Variants in RGS12 observed in about 807,000 individuals in gnomAD.
The protein encoded by RGS12 is regulator of G protein signaling 12.
Under a neutral mutation model 120.1 loss-of-function variants are expected in RGS12, and 66 were observed. The observed-to-expected ratio is 0.55, with a 90% CI of 0.45 to 0.67. The LOEUF (loss-of-function observed/expected upper bound fraction) is 0.67, where lower values mean the gene tolerates loss of function less well. RGS12 is among the 30% of genes least tolerant of loss of function. RGS12 has a pLI of 0.00. For synonymous variants in RGS12, 827 were observed against 804.7 expected (o/e 1.03, Z -0.47); for missense variants, 1,859 against 1,957.7 (o/e 0.95, Z 0.95).
At position 3,375,524 on chromosome 4, in the gene RGS12, GC is replaced by G. The variant is rs774715358; in HGVS notation, c.1999-10889del. Among the ~76,000 whole-genome samples the G allele has an allele frequency of 2.1e-3, 120 of 56,206 alleles. 3 individuals carry two copies. The highest frequency in any genetic ancestry group is 9.4e-3 in the African/African-American group (105 of 11,160). The allele number at this position is 56,206 out of a possible 152,430, so 36.9% of individuals were successfully genotyped here. A position where few individuals can be genotyped will look rare whatever the true frequency, so the allele number is the denominator to read the frequency against. On this transcript the variant is annotated intron_variant, in intron 3 of 17. Coordinates refer to ENST00000336727, the MANE Select transcript of RGS12 (RefSeq NM_001394154.1). ...GCCCTCATCTCCAGCCTCATCTCCAGCCCTCATCTCCAGCCCTCATCTCCAG... is the reference window on the plus strand; with the variant it reads ...GCCCTCATCTCCAGCCTCATCTCCAGCCTCATCTCCAGCCCTCATCTCCAG...
chr4:3,362,735 G>A (rs141957149), intron 3 of RGS12, among the ~76,000 whole-genome samples: 2 of 130,732 alleles, frequency 1.5e-5, no homozygotes, highest in East Asian at 2.3e-4. Flanking sequence ...GTGCGAGGAT[G>A]TCTGTGTGAG....
intron 3 of RGS12, among the ~76,000 whole-genome samples, chr4:3,343,445 C>G (rs867647239): frequency 6.6e-6 from 1 of 152,120 alleles, no homozygotes; most frequent in Admixed American, 6.5e-5. Context: ...TTGTAAAGAA[C>G]AATGAAAAGA....
At chr4:3,328,953 T>C (rs1293621448) in intron 2 of RGS12, among the ~76,000 whole-genome samples, 3 of 152,208 alleles carry the variant, frequency 2.0e-5, no homozygotes, top group African/African-American at 7.2e-5. Context: ...CCCCCTTGTC[T>C]ACTAACCATG....
rs955995381 is a variant in RGS12, at chr4:3,415,198, C to G, written c.2283+354C>G. ...TGTGATAGGGCCGCGTGTGAGAGGG[C>G]CGCGTGTGTGTGAGAGGGCCGCGTG... On this transcript the variant is annotated intron_variant, in intron 6 of 17. Coordinates refer to ENST00000336727, the MANE Select transcript of RGS12 (RefSeq NM_001394154.1). 9.0e-5 allele frequency among the ~76,000 whole-genome samples: 13 copies of G among 144,712 alleles called. 3 individuals carry two copies. Among genetic ancestry groups the G allele is most frequent in the Admixed American group, 1.4e-4 (2 of 14,540 alleles). 94.9% of individuals were successfully genotyped at this position (144,712 alleles called of 152,430 possible). A position where few individuals can be genotyped will look rare whatever the true frequency, so the allele number is the denominator to read the frequency against.
Position 3,354,685 on chromosome 4 carries a change from G to A in RGS12, c.1998+11632G>A, listed in dbSNP as rs182464223. 7.8e-4 allele frequency among the ~76,000 whole-genome samples: 119 copies of A among 152,272 alleles called. 1 individual carries two copies. Among genetic ancestry groups the A allele is most frequent in the African/African-American group, 2.6e-3 (109 of 41,556 alleles). Reference sequence around the variant, plus strand: ...GCAATCACAATGGGAGCTAGAAAGCGTTTTGAAACAAACATCAATGAGAAT... The same window carrying A: ...GCAATCACAATGGGAGCTAGAAAGCATTTTGAAACAAACATCAATGAGAAT... On this transcript the variant is annotated intron_variant, in intron 3 of 17. Coordinates refer to ENST00000336727, the MANE Select transcript of RGS12 (RefSeq NM_001394154.1).
At chr4:3,351,395 T>C (rs1714341700) in intron 3 of RGS12, among the ~76,000 whole-genome samples, 1 of 152,148 alleles carries the variant, frequency 6.6e-6, no homozygotes, top group African/African-American at 2.4e-5. Context: ...TATAAACATT[T>C]ATAAAGTTTT....
chr4:3,341,594 A>G (rs190812052), intron 2 of RGS12, among the ~76,000 whole-genome samples: 35 of 88 alleles, frequency 0.4, 3 homozygotes, highest in Middle Eastern at 0.5. Flanking sequence ...TGGAGAGATG[A>G]GGGTGTGGGG....
intron 5 of RGS12, 106 bp downstream of exon 5, chr4:3,414,347 G>C: frequency 7.7e-7 from 1 of 1,293,640 alleles, no homozygotes; most frequent in Non-Finnish European, 1.0e-6. Context: ...TGCGGGCCCT[G>C]AGCAGCCCCG....
At position 3,414,015 on chromosome 4, in the gene RGS12, G is replaced by C. The variant is rs151121055; in HGVS notation, c.2021-57G>C. 3,373 of 1,472,326 alleles carry C rather than the reference G, an allele frequency of 2.3e-3. 67 individuals carry two copies. The Admixed American group carries it at 0.026, about 11-fold the overall frequency. The allele number at this position is 1,472,326 out of a possible 1,614,324, so 91.2% of individuals were successfully genotyped here. On this transcript the variant is annotated intron_variant, in intron 4 of 17. Coordinates refer to ENST00000336727, the MANE Select transcript of RGS12 (RefSeq NM_001394154.1). ...GGGTCTCCTGTGGGCGGGCAGAGCA[G>C]TCACTGGGCCGGGGCGGAGGGCAGG...
At position 3,437,183 on chromosome 4, in the gene RGS12, C is replaced by T. The variant is rs889692025; in HGVS notation, c.4115-2272C>T. ...CAGGCCTGGGGCTGGCTGCCCTGCA[C>T]AGGAGGGCGAGGCTGGCTCCCGTAG... On this transcript the variant is annotated intron_variant, in intron 17 of 17. Coordinates refer to ENST00000336727, the MANE Select transcript of RGS12 (RefSeq NM_001394154.1). Among the ~76,000 whole-genome samples, 16 of 152,300 alleles carry T rather than the reference C, an allele frequency of 1.1e-4. 1 individual carries two copies. The highest frequency in any genetic ancestry group is 5.8e-4 in the East Asian group (3 of 5,172).
intron 3 of RGS12, among the ~76,000 whole-genome samples, chr4:3,349,386 T>C (rs1377256618): frequency 6.6e-6 from 1 of 152,160 alleles, no homozygotes; most frequent in African/African-American, 2.4e-5. Flanking sequence ...CATACAAAAT[T>C]ATTCATTTTT....
At chr4:3,419,807 C>T (rs767036291) in intron 9 of RGS12, among the ~76,000 whole-genome samples, 13 of 152,122 alleles carry the variant, frequency 8.5e-5, no homozygotes, top group South Asian at 2.1e-4. Flanking sequence ...GGGGACACAG[C>T]GACGCTCTGT....
chr4:3,356,140 G>T (rs1714874304), intron 3 of RGS12, among the ~76,000 whole-genome samples: 1 of 145,474 alleles, frequency 6.9e-6, no homozygotes, highest in African/African-American at 2.6e-5. Flanking sequence ...TGCAACCTCT[G>T]CCTCCTGGGC....
chr4:3,421,436 A>G (rs1364056679), intron 10 of RGS12, among the ~76,000 whole-genome samples: 1 of 152,128 alleles, frequency 6.6e-6, no homozygotes, highest in African/African-American at 2.4e-5. Context: ...GTTGCCTAAT[A>G]CCTCCGCACC....
At chr4:3,382,052 C>T (rs16844226) in intron 3 of RGS12, among the ~76,000 whole-genome samples, 2,175 of 152,256 alleles carry the variant, frequency 0.014, 56 homozygotes, top group African/African-American at 0.049. Flanking sequence ...GTAACGTCAC[C>T]GTTCAAGGGC....
intron 17 of RGS12, 116 bp from the exon 18 acceptor site, chr4:3,439,339 G>A: frequency 9.5e-7 from 1 of 1,048,990 alleles, no homozygotes; most frequent in African/African-American, 1.6e-5. Context: ...ATGTGTTTGG[G>A]ATATTTCAGG....
chr4:3,394,118 G>T (rs186832072), intron 4 of RGS12, among the ~76,000 whole-genome samples: 19 of 151,978 alleles, frequency 1.3e-4, no homozygotes, highest in African/African-American at 4.6e-4. Context: ...TCTGAACGTG[G>T]TGCCCTTCCA....
intron 1 of RGS12, among the ~76,000 whole-genome samples, chr4:3,310,113 G>C (rs1461948044): frequency 1.2e-4 from 12 of 103,016 alleles, no homozygotes; most frequent in East Asian, 3.3e-4. Flanking sequence ...TCTGAGGAGA[G>C]CTGAGCAGGA....
chr4:3,404,643 T>C (rs1182444376), intron 4 of RGS12, among the ~76,000 whole-genome samples: 1 of 152,146 alleles, frequency 6.6e-6, no homozygotes, highest in African/African-American at 2.4e-5. Flanking sequence ...ATTGGAGGCG[T>C]CAGTATGAAC....
Sources: gnomAD v4.1 joint callset for allele counts (sites outside exome capture counted in the v4.1 genomes callset) on GRCh38, gnomAD v4.1.1 for gene constraint, MANE v1.5 for transcripts, NCBI Gene and HGNC (gene_info 2026-07-23, HGNC 2026-07-21) for gene names.